Variants in IFNG-AS1 observed in about 807,000 individuals in gnomAD.
IFNG-AS1 encodes the protein IFNG regulatory antisense RNA 1.
At chr12:67,995,479 T>C (rs57056258) in intron 1 of IFNG-AS1, among the ~76,000 whole-genome samples, 30,619 of 147,774 alleles carry the variant, frequency 0.21, 3,596 homozygotes, top group East Asian at 0.48. Flanking sequence ...TCTTAGAACT[T>C]TGGGAGGCCG....
At chr12:68,016,253 A>G (rs191708757) in intron 3 of IFNG-AS1, among the ~76,000 whole-genome samples, 2 of 152,264 alleles carry the variant, frequency 1.3e-5, no homozygotes, top group Admixed American at 1.3e-4. Flanking sequence ...GTCATGCTCC[A>G]CATAGTGGAA....
chr12:67,999,314 GA>G (rs1879713429), intron 2 of IFNG-AS1, among the ~76,000 whole-genome samples: 1 of 152,124 alleles, frequency 6.6e-6, no homozygotes, highest in African/African-American at 2.4e-5. Context: ...CAGTAGCAAT[GA>G]ACACAAAGAG....
At chr12:67,992,390 G>A (rs141917695) in intron 1 of IFNG-AS1, among the ~76,000 whole-genome samples, 3,137 of 152,136 alleles carry the variant, frequency 0.021, 38 homozygotes, top group Non-Finnish European at 0.031. Context: ...TTTCTATCTC[G>A]AATAATGTTG....
At chr12:68,013,120 A>C (rs1296754386) in intron 3 of IFNG-AS1, among the ~76,000 whole-genome samples, 1 of 152,172 alleles carries the variant, frequency 6.6e-6, no homozygotes, top group Admixed American at 6.5e-5. Flanking sequence ...TGATTCAAAA[A>C]CCCGTGAACC....
At chr12:68,017,705 T>C (rs541651886) in intron 3 of IFNG-AS1, among the ~76,000 whole-genome samples, 2 of 152,288 alleles carry the variant, frequency 1.3e-5, no homozygotes, top group South Asian at 4.1e-4. Flanking sequence ...ATGACTCTGA[T>C]GGCTGACCCT....
chr12:67,991,032 C>A (rs1854903691), intron 1 of IFNG-AS1, among the ~76,000 whole-genome samples: 1 of 152,124 alleles, frequency 6.6e-6, no homozygotes, highest in African/African-American at 2.4e-5. Flanking sequence ...TAGTTTCAAA[C>A]AAGTTGCTGT....
intron 3 of IFNG-AS1, among the ~76,000 whole-genome samples, chr12:68,006,568 T>G (rs1879910154): frequency 6.6e-6 from 1 of 152,212 alleles, no homozygotes; most frequent in East Asian, 1.9e-4. Context: ...ATAATTAGGT[T>G]ACATTATAGG....
intron 2 of IFNG-AS1, among the ~76,000 whole-genome samples, chr12:68,000,653 C>T (rs142198146): frequency 9.9e-5 from 15 of 152,042 alleles, no homozygotes; most frequent in South Asian, 6.3e-4. Context: ...GACTAGGCCA[C>T]GGAACAAGGC....
chr12:68,015,018 T>C (rs1267579980), intron 3 of IFNG-AS1, among the ~76,000 whole-genome samples: 1 of 152,114 alleles, frequency 6.6e-6, no homozygotes, highest in Non-Finnish European at 1.5e-5. Flanking sequence ...AGATCAAATA[T>C]AAAACATGTC....
At chr12:67,995,649 G>T (rs1565686560) in intron 1 of IFNG-AS1, among the ~76,000 whole-genome samples, 1 of 150,532 alleles carries the variant, frequency 6.6e-6, no homozygotes, top group Admixed American at 6.6e-5. Flanking sequence ...TTGAACCTGG[G>T]AGGCAGAGGT....
At chr12:68,016,384 C>T (rs140782176) in intron 3 of IFNG-AS1, among the ~76,000 whole-genome samples, 4 of 152,238 alleles carry the variant, frequency 2.6e-5, no homozygotes, top group African/African-American at 9.6e-5. Context: ...TTTAATAAGT[C>T]ACCCACCACC....
At chr12:67,994,824 A>G (rs1017976600) in intron 1 of IFNG-AS1, among the ~76,000 whole-genome samples, 12 of 152,188 alleles carry the variant, frequency 7.9e-5, no homozygotes, top group Non-Finnish European at 1.3e-4. Flanking sequence ...TGGACCCTGG[A>G]ATTGGCTTCC....
chr12:68,011,666 G>A (rs57346651), intron 3 of IFNG-AS1, among the ~76,000 whole-genome samples: 8,962 of 152,112 alleles, frequency 0.059, 341 homozygotes, highest in African/African-American at 0.1. Flanking sequence ...TGGGAGTGCT[G>A]GTGTCAACAG....
chr12:68,005,172 G>A (rs549540380), intron 2 of IFNG-AS1, among the ~76,000 whole-genome samples: 1 of 152,316 alleles, frequency 6.6e-6, no homozygotes, highest in African/African-American at 2.4e-5. Context: ...AAAAATTAAA[G>A]GGGGAGCGGG....
intron 1 of IFNG-AS1, among the ~76,000 whole-genome samples, chr12:67,989,822 A>T (rs1221667020): frequency 6.6e-6 from 1 of 152,146 alleles, no homozygotes; most frequent in Non-Finnish European, 1.5e-5. Context: ...TTCCTCTGAG[A>T]CTTCTTCTAT....
intron 2 of IFNG-AS1, among the ~76,000 whole-genome samples, chr12:67,999,860 G>A (rs947205860): frequency 2.0e-5 from 3 of 152,132 alleles, no homozygotes; most frequent in African/African-American, 7.2e-5. Flanking sequence ...GGAGCAGTCT[G>A]GCAGACACTA....
intron 1 of IFNG-AS1, among the ~76,000 whole-genome samples, chr12:67,991,033 A>G (rs180710239): frequency 6.6e-6 from 1 of 152,218 alleles, no homozygotes; most frequent in Non-Finnish European, 1.5e-5. Flanking sequence ...AGTTTCAAAC[A>G]AGTTGCTGTC....
chr12:68,012,939 G>A (rs1880067296), intron 3 of IFNG-AS1, among the ~76,000 whole-genome samples: 1 of 152,158 alleles, frequency 6.6e-6, no homozygotes. Flanking sequence ...GGGATAGAGA[G>A]GAAGCATGAA....
chr12:68,011,847 A>G (rs1014649889), intron 3 of IFNG-AS1, among the ~76,000 whole-genome samples: 1 of 152,180 alleles, frequency 6.6e-6, no homozygotes, highest in East Asian at 1.9e-4. Flanking sequence ...GGCAAGAGGC[A>G]CTTCTAATAG....
Sources: allele counts gnomAD v4.1 joint callset (sites outside exome capture counted in the v4.1 genomes callset), GRCh38; gene constraint gnomAD v4.1.1; transcripts MANE v1.5; gene names NCBI Gene and HGNC (gene_info 2026-07-23, HGNC 2026-07-21).